Variants in NAALADL2 observed in about 807,000 individuals in gnomAD.
NAALADL2 encodes the protein N-acetylated alpha-linked acidic dipeptidase like 2.
Under a neutral mutation model 87.2 loss-of-function variants are expected in NAALADL2, and 76 were observed. That is an observed-to-expected ratio of 0.87 (90% CI 0.72 to 1.05). The LOEUF is 1.05. NAALADL2 is among the 50% of genes least tolerant of loss of function. NAALADL2 has a pLI of 0.00. For synonymous variants in NAALADL2, 354 were observed against 331.0 expected, an observed-to-expected ratio of 1.07 and a Z score of -0.75; for missense variants, 1,089 against 945.8, an observed-to-expected ratio of 1.15 and a Z score of -1.99.
intron 1 of NAALADL2, among the ~76,000 whole-genome samples, chr3:174,519,782 A>G (rs1720161915): frequency 6.6e-6 from 1 of 152,180 alleles, no homozygotes; most frequent in South Asian, 2.1e-4. Context: ...ATTCAATAAA[A>G]TCTAGCATCC....
intron 1 of NAALADL2, among the ~76,000 whole-genome samples, chr3:175,011,320 G>GAA (rs1491557704): frequency 3.5e-5 from 5 of 141,728 alleles, no homozygotes; most frequent in African/African-American, 1.3e-4. Flanking sequence ...GAGAGAGAGA[G>GAA]ACTAATTCTG....
At chr3:175,602,840 C>A (rs1257342117) in intron 10 of NAALADL2, among the ~76,000 whole-genome samples, 1 of 152,088 alleles carries the variant, frequency 6.6e-6, no homozygotes, top group East Asian at 1.9e-4. Context: ...AGAAAAGTTG[C>A]AAGACTAATA....
intron 2 of NAALADL2, among the ~76,000 whole-genome samples, chr3:174,668,185 T>C (rs988033930): frequency 1.3e-5 from 2 of 152,154 alleles, no homozygotes; most frequent in South Asian, 2.1e-4. Context: ...TTTAATTCCT[T>C]TGGGCATTTT....
intron 1 of NAALADL2, among the ~76,000 whole-genome samples, chr3:175,073,232 T>C (rs1311892121): frequency 6.6e-6 from 1 of 152,092 alleles, no homozygotes; most frequent in African/African-American, 2.4e-5. Flanking sequence ...TAATATCAGA[T>C]TTGTTTGTTT....
At chr3:174,587,506 G>C (rs531323594) in intron 2 of NAALADL2, among the ~76,000 whole-genome samples, 3 of 152,058 alleles carry the variant, frequency 2.0e-5, no homozygotes, top group Non-Finnish European at 4.4e-5. Flanking sequence ...TTTTGCAGTG[G>C]CTGGTACCTG....
chr3:175,237,180 T>G (rs1229282430), intron 3 of NAALADL2, among the ~76,000 whole-genome samples: 2 of 152,128 alleles, frequency 1.3e-5, no homozygotes, highest in African/African-American at 2.4e-5. Flanking sequence ...TCAACCTTCT[T>G]ACTTTTAAAA....
At chr3:174,873,403 C>T (rs908757416) in intron 1 of NAALADL2, among the ~76,000 whole-genome samples, 1 of 151,980 alleles carries the variant, frequency 6.6e-6, no homozygotes, top group Non-Finnish European at 1.5e-5. Flanking sequence ...TACAGGGGCA[C>T]ATCACTATGC....
intron 4 of NAALADL2, among the ~76,000 whole-genome samples, chr3:175,284,259 T>C (rs892069934): frequency 1.3e-4 from 19 of 151,256 alleles, no homozygotes; most frequent in African/African-American, 4.1e-4. Flanking sequence ...AGAATATAGG[T>C]ATAAGGATGG....
intron 3 of NAALADL2, among the ~76,000 whole-genome samples, chr3:174,825,574 A>G (rs1721887080): frequency 6.6e-6 from 1 of 152,222 alleles, no homozygotes; most frequent in Non-Finnish European, 1.5e-5. Flanking sequence ...ATATACCTAG[A>G]AATAATGTTT....
At chr3:175,309,185 C>CT (rs1029528876) in intron 4 of NAALADL2, among the ~76,000 whole-genome samples, 5 of 151,294 alleles carry the variant, frequency 3.3e-5, no homozygotes, top group Admixed American at 6.6e-5. Context: ...AATCATGTAT[C>CT]TTTTTTTTTC....
At chr3:175,047,697 T>C (rs1184934742) in intron 1 of NAALADL2, among the ~76,000 whole-genome samples, 1 of 152,204 alleles carries the variant, frequency 6.6e-6, no homozygotes. Context: ...ATTTTTCCTT[T>C]AGTATTTTGA....
chr3:175,295,762 C>G (rs1290041393), intron 4 of NAALADL2, among the ~76,000 whole-genome samples: 1 of 151,624 alleles, frequency 6.6e-6, no homozygotes, highest in Non-Finnish European at 1.5e-5. Flanking sequence ...CTCTCTCTCT[C>G]TCAGCACTCT....
At chr3:175,458,436 GAT>G (rs1722639827) in intron 6 of NAALADL2, among the ~76,000 whole-genome samples, 1 of 148,406 alleles carries the variant, frequency 6.7e-6, no homozygotes, top group Non-Finnish European at 1.5e-5. Flanking sequence ...GATATATATA[GAT>G]ATATATACAA....
At chr3:175,692,920 A>C (rs948356471) in intron 11 of NAALADL2, among the ~76,000 whole-genome samples, 1 of 152,192 alleles carries the variant, frequency 6.6e-6, no homozygotes, top group Non-Finnish European at 1.5e-5. Context: ...ATCAATTATA[A>C]GTCTAGGAGT....
chr3:174,543,238 G>C lies in NAALADL2; in HGVS notation c.-183-7331G>C, dbSNP rs141270008. Among the ~76,000 whole-genome samples the C allele has an allele frequency of 2.1e-4, 32 of 152,290 alleles. 1 individual carries two copies. The East Asian group carries it at 5.2e-3, about 25-fold the overall frequency. On this transcript the variant is annotated intron_variant, in intron 1 of 3. Transcript: ENST00000434257. ...ATATCATCTTCTGAGGAATTAACTT[G>C]AGCTGGGATTAGAGGCAAGATGATT... is the stretch of plus-strand genomic sequence containing the variant.
At chr3:174,803,942 G>A (rs1450473716) in intron 3 of NAALADL2, among the ~76,000 whole-genome samples, 1 of 152,058 alleles carries the variant, frequency 6.6e-6, no homozygotes, top group African/African-American at 2.4e-5. Flanking sequence ...GGATTGTCGT[G>A]GCTATGCGGG....
At chr3:175,050,786 C>A (rs1367793154) in intron 1 of NAALADL2, among the ~76,000 whole-genome samples, 1 of 152,098 alleles carries the variant, frequency 6.6e-6, no homozygotes, top group Non-Finnish European at 1.5e-5. Context: ...ATTATGACCA[C>A]ATCTAATTGA....
chr3:175,434,360 C>T (rs1454412232), intron 5 of NAALADL2, among the ~76,000 whole-genome samples: 2 of 151,932 alleles, frequency 1.3e-5, no homozygotes, highest in East Asian at 1.9e-4. Context: ...TACTGGTCTC[C>T]GAACCCCAGG....
At chr3:174,945,819 G>A (rs770963983) in intron 1 of NAALADL2, among the ~76,000 whole-genome samples, 1 of 151,944 alleles carries the variant, frequency 6.6e-6, no homozygotes, top group Non-Finnish European at 1.5e-5. Context: ...AGGCTGAGGC[G>A]GGCAGATCGT....
Sources: gnomAD v4.1 joint callset for allele counts (sites outside exome capture counted in the v4.1 genomes callset) on GRCh38, gnomAD v4.1.1 for gene constraint, MANE v1.5 for transcripts, NCBI Gene and HGNC (gene_info 2026-07-23, HGNC 2026-07-21) for gene names.